Variants in INPP4B observed in about 807,000 individuals in gnomAD.
INPP4B encodes the protein inositol polyphosphate-4-phosphatase type II B.
A neutral mutation model predicts 122.5 loss-of-function variants in INPP4B; 55 were observed. That is an observed-to-expected ratio of 0.45 (90% CI 0.36 to 0.56). The LOEUF (loss-of-function observed/expected upper bound fraction) is 0.56, where lower values mean the gene tolerates loss of function less well. Ranked by LOEUF, INPP4B falls within the 20% of genes least tolerant of loss-of-function variation. The probability of loss-of-function intolerance (pLI) is 0.00; values close to 1 mark genes in which losing one functional copy is unlikely to be tolerated. For missense variants in INPP4B, 1,000 were observed against 1,097.7 expected (o/e 0.91, Z 1.26); for synonymous variants, 403 against 388.7 (o/e 1.04, Z -0.43).
chr4:142,708,958 C>CTGTGG (rs751945967), intron 2 of INPP4B, among the ~76,000 whole-genome samples: 16 of 152,246 alleles, frequency 1.1e-4, no homozygotes, highest in Non-Finnish European at 2.2e-4. Flanking sequence ...TAGCCCTCCA[C>CTGTGG]TGTGGTTCTA....
At chr4:142,130,687 T>C (rs570314352) in intron 18 of INPP4B, among the ~76,000 whole-genome samples, 42 of 152,306 alleles carry the variant, frequency 2.8e-4, no homozygotes, top group Admixed American at 6.5e-4. Context: ...AGAACAAACA[T>C]GTATCTTAAA....
At chr4:142,725,229 A>G (rs1765188128) in intron 2 of INPP4B, among the ~76,000 whole-genome samples, 1 of 152,146 alleles carries the variant, frequency 6.6e-6, no homozygotes, top group Admixed American at 6.6e-5. Flanking sequence ...AATAATTCAC[A>G]TAGTGATTTG....
At chr4:142,806,278 C>CAAAAAAAAAAAAA (rs1175185594) in intron 1 of INPP4B, among the ~76,000 whole-genome samples, 1 of 53,600 alleles carries the variant, frequency 1.9e-5, no homozygotes, top group African/African-American at 7.3e-5. Flanking sequence ...GACTCCGTCT[C>CAAAAAAAAAAAAA]AAAAAAAAAA....
intron 2 of INPP4B, among the ~76,000 whole-genome samples, chr4:142,478,197 C>T (rs541296125): frequency 1.3e-5 from 2 of 152,188 alleles, no homozygotes; most frequent in East Asian, 1.9e-4. Context: ...GAAGTTTTTT[C>T]GGTATAGATG....
intron 23 of INPP4B, among the ~76,000 whole-genome samples, chr4:142,098,294 G>A (rs192925686): frequency 1.2e-3 from 185 of 152,094 alleles, no homozygotes; most frequent in Non-Finnish European, 2.1e-3. Context: ...TGACTGTATG[G>A]TGCCTTAGAG....
intron 18 of INPP4B, among the ~76,000 whole-genome samples, chr4:142,138,968 T>C (rs550933697): frequency 1.3e-5 from 2 of 152,212 alleles, no homozygotes; most frequent in Non-Finnish European, 2.9e-5. Flanking sequence ...CTTTACATTT[T>C]ATCCAGTTTA....
At chr4:142,644,065 G>A (rs1751167096) in intron 2 of INPP4B, among the ~76,000 whole-genome samples, 1 of 152,068 alleles carries the variant, frequency 6.6e-6, no homozygotes, top group East Asian at 1.9e-4. Flanking sequence ...GCCAGGTGTG[G>A]TGGCAGGTGC....
chr4:142,271,868 T>G (rs1339028051), intron 9 of INPP4B, among the ~76,000 whole-genome samples: 1 of 152,180 alleles, frequency 6.6e-6, no homozygotes, highest in Non-Finnish European at 1.5e-5. Context: ...AAGCTAAAGA[T>G]AAGTTTACGA....
rs187630110 is a variant in INPP4B at position 142,253,140 on chromosome 4, T to G, written c.688+7352A>C. Among the ~76,000 whole-genome samples the G allele has an allele frequency of 4.9e-4, 75 of 152,242 alleles. 1 individual carries two copies. Among genetic ancestry groups the G allele is most frequent in the Non-Finnish European group, 2.6e-4 (18 of 68,006 alleles). On this transcript the variant is annotated intron_variant, in intron 11 of 25. Coordinates refer to ENST00000262992, the MANE Select transcript of INPP4B (RefSeq NM_001101669.3). ...ACAGTAAAAATATGGTATAAAAGAT[T>G]AAAAATGGTACACCTGTAAAGGGCA...
intron 25 of INPP4B, among the ~76,000 whole-genome samples, chr4:142,031,138 C>T (rs1235277136): frequency 2.0e-5 from 3 of 152,056 alleles, no homozygotes; most frequent in Non-Finnish European, 4.4e-5. Context: ...TGAAATATAC[C>T]ATATTGATAT....
rs569540449 is a variant in INPP4B, at chr4:142,446,793, T to C, written c.-126-15408A>G. 4.6e-5 allele frequency among the ~76,000 whole-genome samples: 7 copies of C among 152,304 alleles called. No homozygotes were observed. The East Asian group carries it at 5.8e-4, about 13-fold the overall frequency. ...GAGACGATGGCACTTACAGACATTA[T>C]TAAACACTGTAAAACAATACTCTTT... On this transcript the variant is annotated intron_variant, in intron 3 of 25. Coordinates refer to ENST00000262992, the MANE Select transcript of INPP4B (RefSeq NM_001101669.3).
chr4:142,375,725 T>C (rs1012526556), intron 7 of INPP4B, among the ~76,000 whole-genome samples: 2 of 152,004 alleles, frequency 1.3e-5, no homozygotes, highest in South Asian at 4.1e-4. Flanking sequence ...TTAGAACTTT[T>C]GCATTTATCT....
chr4:142,718,289 T>C lies in INPP4B; in HGVS notation c.-191+7550A>G, dbSNP rs1764062517. ...AACATGTTGAGAAGAAATGCACTGA[T>C]ACATATAGAAATGGAAGTTAGCTTT... On this transcript the variant is annotated intron_variant, in intron 2 of 25. Coordinates refer to ENST00000262992, the MANE Select transcript of INPP4B (RefSeq NM_001101669.3). Among the ~76,000 whole-genome samples, 6 of 152,342 alleles carry C rather than the reference T, an allele frequency of 3.9e-5. No homozygotes were observed. The South Asian group carries it at 1.2e-3, about 32-fold the overall frequency.
chr4:142,505,838 T>C (rs893728786), intron 2 of INPP4B, among the ~76,000 whole-genome samples: 28 of 152,296 alleles, frequency 1.8e-4, no homozygotes, highest in African/African-American at 6.0e-4. Flanking sequence ...TCAAAATCTG[T>C]CTTTCATCTA....
chr4:142,571,761 A>T (rs962742222), intron 2 of INPP4B, among the ~76,000 whole-genome samples: 1 of 152,176 alleles, frequency 6.6e-6, no homozygotes, highest in Non-Finnish European at 1.5e-5. Context: ...CAAAGAGTCA[A>T]TTTGAATAAG....
At chr4:142,548,476 T>A (rs1224625810) in intron 2 of INPP4B, among the ~76,000 whole-genome samples, 1 of 152,200 alleles carries the variant, frequency 6.6e-6, no homozygotes, top group Non-Finnish European at 1.5e-5. Context: ...AGTGCTCTTG[T>A]CGTATAGAGG....
In INPP4B at chr4:142,228,370, G is replaced by A. The variant is rs181800340; in HGVS notation, c.836+9494C>T. Among the ~76,000 whole-genome samples, 16 of 152,032 alleles carry A rather than the reference G, an allele frequency of 1.1e-4. No individual in the cohort carries two copies. In the East Asian group the frequency reaches 2.5e-3, roughly 24 times the overall value. On this transcript the variant is annotated intron_variant, in intron 12 of 25. Transcript: ENST00000262992. ...AATCTATAGGAACAAAACTATAAAA[G>A]CACATTGTATGTAGAAAAGAAGTCT... is the stretch of plus-strand genomic sequence containing the variant.
At chr4:142,070,735 C>A (rs1273834789) in intron 25 of INPP4B, among the ~76,000 whole-genome samples, 1 of 152,100 alleles carries the variant, frequency 6.6e-6, no homozygotes, top group Non-Finnish European at 1.5e-5. Flanking sequence ...CTCCCATTCA[C>A]AATTGCTTCA....
intron 16 of INPP4B, among the ~76,000 whole-genome samples, chr4:142,173,076 GA>G (rs1826347402): frequency 6.6e-6 from 1 of 151,856 alleles, no homozygotes; most frequent in South Asian, 2.1e-4. Context: ...GTCACCTTTG[GA>G]AAAACTAAGG....
Sources: allele counts gnomAD v4.1 joint callset (sites outside exome capture counted in the v4.1 genomes callset), GRCh38; gene constraint gnomAD v4.1.1; transcripts MANE v1.5; gene names NCBI Gene and HGNC (gene_info 2026-07-23, HGNC 2026-07-21).